The following PTPRS variants were observed in gnomAD, a reference collection of about 807,000 sequenced individuals.
PTPRS encodes protein tyrosine phosphatase receptor type S.
PTPRS carries 63 observed loss-of-function variants against 215.3 expected under a neutral mutation model. That is an observed-to-expected ratio of 0.29 (90% confidence interval 0.24 to 0.36). PTPRS has a LOEUF of 0.36. Ranked by LOEUF, PTPRS falls within the 10% of genes least tolerant of loss-of-function variation. The probability of loss-of-function intolerance (pLI) is 1.00; values close to 1 mark genes in which losing one functional copy is unlikely to be tolerated. For synonymous variants in PTPRS, 1,404 were observed against 1,191.4 expected, an observed-to-expected ratio of 1.18 and a Z score of -3.68; for missense variants, 2,258 against 2,825.8, an observed-to-expected ratio of 0.80 and a Z score of 4.56.
intron 14 of PTPRS, among the ~76,000 whole-genome samples, chr19:5,230,955 CG>C (rs779656504): frequency 1.3e-5 from 2 of 152,196 alleles, no homozygotes; most frequent in Non-Finnish European, 2.9e-5. Flanking sequence ...TCCATCCACC[CG>C]GGGAGCTGGT....
At chr19:5,302,209 T>C (rs541110567) in intron 1 of PTPRS, among the ~76,000 whole-genome samples, 2 of 151,406 alleles carry the variant, frequency 1.3e-5, no homozygotes, top group Non-Finnish European at 2.9e-5. Flanking sequence ...TAAAAAAAAT[T>C]AAAAATTAGC....
chr19:5,207,826 C>T (rs1396728564), intron 37 of PTPRS, 96 bp downstream of exon 37: 3 of 1,533,216 alleles, frequency 2.0e-6, no homozygotes, highest in Non-Finnish European at 2.6e-6. Flanking sequence ...CAGAGAGTCC[C>T]AGGTGGCTGT....
chr19:5,310,387 G>A (rs539589505), intron 1 of PTPRS, among the ~76,000 whole-genome samples: 71 of 143,170 alleles, frequency 5.0e-4, no homozygotes, highest in African/African-American at 1.5e-3. Flanking sequence ...GCGCAATCTC[G>A]GCTCACTACA....
At chr19:5,302,189 C>A (rs996064446) in intron 1 of PTPRS, among the ~76,000 whole-genome samples, 3 of 151,914 alleles carry the variant, frequency 2.0e-5, no homozygotes, top group Non-Finnish European at 4.4e-5. Flanking sequence ...CAAAGAGAGA[C>A]CCCCGTCTCT....
intron 16 of PTPRS, 94 bp from the exon 17 acceptor site, chr19:5,225,938 C>G: frequency 2.9e-6 from 3 of 1,024,684 alleles, no homozygotes; most frequent in Non-Finnish European, 4.5e-6. Context: ...AAGGAGGATG[C>G]AGGGCCCGGA....
intron 7 of PTPRS, 131 bp from the exon 8 acceptor site, chr19:5,258,258 A>G: frequency 2.7e-6 from 2 of 730,344 alleles, no homozygotes; most frequent in Non-Finnish European, 4.6e-6. Context: ...ATAAGAGGTG[A>G]GAAAACCTGG....
At chr19:5,219,166 C>T (rs1204915953) in intron 23 of PTPRS, 144 bp downstream of exon 23, 1 of 1,122,842 alleles carries the variant, frequency 8.9e-7, no homozygotes, top group Non-Finnish European at 1.3e-6. Flanking sequence ...TGACCTTGAT[C>T]AAGTGGCTTA....
At chr19:5,285,965 G>C in intron 2 of PTPRS, 85 bp downstream of exon 2, 1 of 1,281,672 alleles carries the variant, frequency 7.8e-7, no homozygotes, top group South Asian at 1.4e-5. Flanking sequence ...GAGGAGGTGG[G>C]GAGTGTGCCC....
At chr19:5,272,595 C>CAAAAAAAAAAAAAAAAAAAAAA (rs10527451) in intron 4 of PTPRS, among the ~76,000 whole-genome samples, 16 of 73,444 alleles carry the variant, frequency 2.2e-4, no homozygotes, top group East Asian at 4.9e-4. Flanking sequence ...AAGACTGTCT[C>CAAAAAAAAAAAAAAAAAAAAAA]AAAAAAAAAA....
intron 1 of PTPRS, among the ~76,000 whole-genome samples, chr19:5,322,058 C>G (rs2050037500): frequency 6.6e-6 from 1 of 152,216 alleles, no homozygotes; most frequent in Non-Finnish European, 1.5e-5. Flanking sequence ...GAGGTTTCAA[C>G]AGTTGCCAGA....
rs1431794623 is a variant in PTPRS at position 5,338,950 on chromosome 19, C to A, written c.-95+1714G>T. On this transcript the variant is annotated intron_variant, in intron 1 of 37. Transcript: ENST00000262963. This position sits in a 1 kb window ranked among gnomAD's most constrained non-coding sequence, Gnocchi z 4.2. Reference sequence around the variant, plus strand: ...GGGGCCACCCAGAGGAGGCCAGAATCCCAGCAGCCAAAGTCCGGGTGGTGG... The same window carrying A: ...GGGGCCACCCAGAGGAGGCCAGAATACCAGCAGCCAAAGTCCGGGTGGTGG... Among the ~76,000 whole-genome samples, 5 of 152,318 alleles carry A rather than the reference C, an allele frequency of 3.3e-5. No individual in the cohort carries two copies. The highest frequency in any genetic ancestry group is 1.2e-4 in the African/African-American group (5 of 41,564).
chr19:5,226,076 T>C (rs2042468141), intron 16 of PTPRS, among the ~76,000 whole-genome samples: 1 of 152,156 alleles, frequency 6.6e-6, no homozygotes, highest in Non-Finnish European at 1.5e-5. Flanking sequence ...AACTCGGTCC[T>C]CTCTGCTCCG....
intron 1 of PTPRS, among the ~76,000 whole-genome samples, chr19:5,290,113 G>A (rs1362890848): frequency 6.6e-6 from 1 of 152,254 alleles, no homozygotes; most frequent in Non-Finnish European, 1.5e-5. Context: ...GGGAGTGACC[G>A]CTGGACGCTG....
At chr19:5,322,252 A>G (rs2050043437) in intron 1 of PTPRS, among the ~76,000 whole-genome samples, 1 of 152,218 alleles carries the variant, frequency 6.6e-6, no homozygotes, top group South Asian at 2.1e-4. Flanking sequence ...AGTGACACAC[A>G]GCCCTGTTGG....
chr19:5,315,467 A>G (rs1316529107), intron 1 of PTPRS, among the ~76,000 whole-genome samples: 2 of 146,028 alleles, frequency 1.4e-5, no homozygotes, highest in Non-Finnish European at 3.0e-5. Flanking sequence ...GGCCTCAAGC[A>G]ATTCTCTTGC....
At chr19:5,253,458 T>C (rs886937) in intron 9 of PTPRS, among the ~76,000 whole-genome samples, 16,036 of 152,298 alleles carry the variant, frequency 0.11, 1,006 homozygotes, top group Non-Finnish European at 0.13. Context: ...GTAGCCCATC[T>C]CTTCTGGTGG....
intron 13 of PTPRS, 59 bp downstream of exon 13, chr19:5,238,860 T>C (rs2043720532): frequency 2.0e-6 from 3 of 1,496,064 alleles, no homozygotes; most frequent in African/African-American, 2.9e-5. Flanking sequence ...GCCGAGGGGC[T>C]GTCTGCGGTC....
intron 2 of PTPRS, among the ~76,000 whole-genome samples, chr19:5,283,187 C>A (rs745796577): frequency 6.6e-6 from 1 of 152,204 alleles, no homozygotes; most frequent in Non-Finnish European, 1.5e-5. Context: ...GGGCCAGCCC[C>A]ACGGCATCCT....
Position 5,212,503 on chromosome 19 carries a change from A to G in PTPRS, c.4615-12T>C, listed in dbSNP as rs201177182. 1.3e-6 allele frequency: 2 copies of G among 1,579,196 alleles called. No individual in the cohort carries two copies. The highest frequency in any genetic ancestry group is 1.8e-5 in the Admixed American group (1 of 55,582). On this transcript the variant is annotated splice_polypyrimidine_tract_variant and intron_variant, in intron 30 of 37. Coordinates refer to ENST00000262963, the MANE Select transcript of PTPRS (RefSeq NM_002850.4). ...TCACTGGAGCCATTCTGGGGACCAC[A>G]AGGATGTCACCTGTCACTCCGGCTC... is the stretch of plus-strand genomic sequence containing the variant.
Sources: allele counts gnomAD v4.1 joint callset (sites outside exome capture counted in the v4.1 genomes callset), GRCh38; gene constraint gnomAD v4.1.1; non-coding constraint Gnocchi (gnomAD v3.1); transcripts MANE v1.5; gene names NCBI Gene and HGNC (gene_info 2026-07-23, HGNC 2026-07-21).